FMNL2: variants seen among roughly 807,000 people sequenced by gnomAD.
The protein encoded by FMNL2 is formin-like protein 2.
A neutral mutation model predicts 130.2 loss-of-function variants in FMNL2; 51 were observed. That is an observed-to-expected ratio of 0.39 (90% CI 0.31 to 0.49). The LOEUF is 0.49. Ranked by LOEUF, FMNL2 falls within the 20% of genes least tolerant of loss-of-function variation. The probability of loss-of-function intolerance (pLI) is 0.85; values close to 1 mark genes in which losing one functional copy is unlikely to be tolerated. For missense variants in FMNL2, 977 were observed against 1,316.2 expected (o/e 0.74, Z 3.99); for synonymous variants, 465 against 467.1 (o/e 1.00, Z 0.06).
At position 152,335,587 on chromosome 2, in the gene FMNL2, C is replaced by T. The variant is rs1419070029; in HGVS notation, c.-17C>T. 4 of 1,579,000 alleles carry T rather than the reference C, an allele frequency of 2.5e-6. No individual in the cohort carries two copies. Among genetic ancestry groups the T allele is most frequent in the Admixed American group, 3.5e-5 (2 of 57,528 alleles). ...CTAGGGGCCCGGAGCAGCCCCCGGCCCCGGCGCGCCGCCGACATGGGCAAC... is the reference window on the plus strand; with the variant it reads ...CTAGGGGCCCGGAGCAGCCCCCGGCTCCGGCGCGCCGCCGACATGGGCAAC... On this transcript the variant is annotated 5_prime_UTR_variant, in exon 1 of 26. Transcript: ENST00000288670.
chr2:152,522,521 T>C (rs1487498166), intron 2 of FMNL2, among the ~76,000 whole-genome samples: 1 of 152,198 alleles, frequency 6.6e-6, no homozygotes, highest in African/African-American at 2.4e-5. Flanking sequence ...AATTCCCACA[T>C]GTTATGAGAG....
At chr2:152,367,414 A>G (rs1683621442) in intron 1 of FMNL2, among the ~76,000 whole-genome samples, 1 of 152,196 alleles carries the variant, frequency 6.6e-6, no homozygotes, top group Non-Finnish European at 1.5e-5. Flanking sequence ...TAAGGCTGAA[A>G]AAATGTGGGA....
In FMNL2 at chr2:152,533,702, AGAATT is replaced by A. The variant is rs559298123; in HGVS notation, c.202-9034_202-9030del. Among the ~76,000 whole-genome samples the A allele has an allele frequency of 2.4e-3, 370 of 152,234 alleles. 1 individual carries two copies. Among genetic ancestry groups the A allele is most frequent in the Middle Eastern group, 0.01 (3 of 294 alleles). ...ACTGGCTCTGTAGATCAATTTCAGT[AGAATT>A]GACATTTATACAATATTGACTCTTC... On this transcript the variant is annotated intron_variant, in intron 2 of 25. Transcript: ENST00000288670.
At chr2:152,405,534 G>A (rs1685937873) in intron 1 of FMNL2, among the ~76,000 whole-genome samples, 1 of 152,170 alleles carries the variant, frequency 6.6e-6, no homozygotes, top group African/African-American at 2.4e-5. Context: ...GATGTCTTGT[G>A]ATTTTTTTTC....
intron 1 of FMNL2, among the ~76,000 whole-genome samples, chr2:152,492,479 A>G (rs1028940934): frequency 2.0e-5 from 3 of 152,174 alleles, no homozygotes; most frequent in African/African-American, 7.2e-5. Flanking sequence ...TTGTCATTAC[A>G]GTTTTGGCTT....
intron 1 of FMNL2, among the ~76,000 whole-genome samples, chr2:152,340,083 G>T (rs1252301648): frequency 2.0e-5 from 3 of 152,186 alleles, no homozygotes; most frequent in Non-Finnish European, 4.4e-5. Context: ...CTACACAAGA[G>T]GCTGAGGTGG....
chr2:152,453,192 ACT>A (rs1447044217), intron 1 of FMNL2, among the ~76,000 whole-genome samples: 1 of 118,062 alleles, frequency 8.5e-6, no homozygotes, highest in African/African-American at 3.2e-5. Flanking sequence ...ACAGAGCAAG[ACT>A]CTGTCTTGGC....
chr2:152,426,185 T>C (rs1330148624), intron 1 of FMNL2, among the ~76,000 whole-genome samples: 3 of 152,188 alleles, frequency 2.0e-5, no homozygotes. Context: ...TAGGCCACAA[T>C]GGACCTTGAG....
chr2:152,578,088 T>A (rs1456562433), intron 7 of FMNL2, among the ~76,000 whole-genome samples: 1 of 151,398 alleles, frequency 6.6e-6, no homozygotes, highest in Non-Finnish European at 1.5e-5. Flanking sequence ...ATGGGAGGGG[T>A]TGGCCTTAGT....
chr2:152,528,043 A>G (rs989989343), intron 2 of FMNL2, among the ~76,000 whole-genome samples: 2 of 152,182 alleles, frequency 1.3e-5, no homozygotes, highest in African/African-American at 4.8e-5. Context: ...ATATTTTCAA[A>G]TCAATTTTCA....
intron 6 of FMNL2, among the ~76,000 whole-genome samples, chr2:152,569,957 G>T (rs1426157548): frequency 6.7e-6 from 1 of 150,098 alleles, no homozygotes; most frequent in Non-Finnish European, 1.5e-5. Context: ...GTTGCAGTGA[G>T]CCAAGAGTGC....
At chr2:152,364,432 T>C (rs1231133681) in intron 1 of FMNL2, among the ~76,000 whole-genome samples, 1 of 152,162 alleles carries the variant, frequency 6.6e-6, no homozygotes, top group Non-Finnish European at 1.5e-5. Context: ...ATCTTAAGTC[T>C]TTATTGCCTG....
chr2:152,393,771 C>A (rs1685241252), intron 1 of FMNL2, among the ~76,000 whole-genome samples: 1 of 152,192 alleles, frequency 6.6e-6, no homozygotes, highest in South Asian at 2.1e-4. Context: ...CTAACTTTTT[C>A]TATAAAGGAC....
intron 1 of FMNL2, among the ~76,000 whole-genome samples, chr2:152,380,981 G>A (rs548329447): frequency 1.2e-4 from 18 of 152,174 alleles, no homozygotes; most frequent in Non-Finnish European, 2.5e-4. Flanking sequence ...GTAGGAAAAT[G>A]TATATAATGC....
At chr2:152,448,619 T>A (rs577633767) in intron 1 of FMNL2, among the ~76,000 whole-genome samples, 1 of 152,346 alleles carries the variant, frequency 6.6e-6, no homozygotes, top group Admixed American at 6.5e-5. Flanking sequence ...GGAAACCTTC[T>A]GTAAATTGAA....
At position 152,581,030 on chromosome 2, in the gene FMNL2, C is replaced by T; in HGVS notation, c.857C>T (p.Ala286Val). 6.2e-7 allele frequency: 1 copy of T among 1,613,812 alleles called. No homozygotes were observed. Among genetic ancestry groups the T allele is most frequent in the Non-Finnish European group, 8.5e-7 (1 of 1,179,802 alleles). The change falls in exon 9 of 26, where the codon GCA becomes GTA. Residue 286 changes from alanine to valine, a missense_variant. Physicochemically the swap from Ala to Val is moderately conservative, Grantham distance 64 (BLOSUM62 0). Around this residue, in one of 4 missense-constraint regions of FMNL2, gnomAD observed 689 missense variants for 995.9 expected, o/e 0.69. Coordinates refer to ENST00000288670, the MANE Select transcript of FMNL2 (RefSeq NM_052905.4). ...VRGGHEIILS[A>V]FDNFKEVCGE... Reference sequence around the variant, plus strand: ...GGCGGGCATGAAATCATTTTATCAGCATTTGATAACTTTAAAGAGGTAGGC... The same window carrying T: ...GGCGGGCATGAAATCATTTTATCAGTATTTGATAACTTTAAAGAGGTAGGC...
In FMNL2 at chr2:152,336,079, C is replaced by CTT. The variant is rs5835420; in HGVS notation, c.117+367_117+368dup. ...AGGAGGAGGTGGCGAGCCGCTTAGG[C>CTT]TTTTTTTTTAAAAAAAACAAAACAA... On this transcript the variant is annotated intron_variant, in intron 1 of 25. Transcript: ENST00000288670. 4.5e-3 allele frequency among the ~76,000 whole-genome samples: 584 copies of CTT among 128,768 alleles called. 4 individuals carry two copies. Among genetic ancestry groups the CTT allele is most frequent in the South Asian group, 0.013 (50 of 3,790 alleles). 84.5% of individuals were successfully genotyped at this position (128,768 alleles called of 152,430 possible). A position where few individuals can be genotyped will look rare whatever the true frequency, so the allele number is the denominator to read the frequency against.
chr2:152,431,648 T>C (rs1480285911), intron 1 of FMNL2, among the ~76,000 whole-genome samples: 2 of 152,146 alleles, frequency 1.3e-5, no homozygotes, highest in Non-Finnish European at 2.9e-5. Context: ...ATAGAAGAAA[T>C]TAATGTGCCG....
intron 1 of FMNL2, among the ~76,000 whole-genome samples, chr2:152,412,449 TATATATATATATATATATA>T (rs1686351616): frequency 1.3e-3 from 13 of 10,338 alleles, no homozygotes; most frequent in South Asian, 0.012. Context: ...GTATATTTTA[TATATATATATATATATATA>T]TATATATATA....
Sources: allele counts gnomAD v4.1 joint callset (sites outside exome capture counted in the v4.1 genomes callset), GRCh38; gene constraint gnomAD v4.1.1; regional missense constraint gnomAD v4.1.1; transcripts MANE v1.5; gene names NCBI Gene and HGNC (gene_info 2026-07-23, HGNC 2026-07-21).